The following LRRC1 variants were observed in gnomAD, a reference collection of about 807,000 sequenced individuals.
The protein encoded by LRRC1 is leucine-rich repeat-containing protein 1.
A neutral mutation model predicts 69.9 loss-of-function variants in LRRC1; 28 were observed. The observed-to-expected ratio is 0.40, with a 90% confidence interval of 0.30 to 0.55. The LOEUF (loss-of-function observed/expected upper bound fraction) is 0.55, where lower values mean the gene tolerates loss of function less well. Ranked by LOEUF, LRRC1 falls within the 20% of genes least tolerant of loss-of-function variation. LRRC1 has a pLI of 0.47. For missense variants in LRRC1, 498 were observed against 609.0 expected (o/e 0.82, Z 1.92); for synonymous variants, 236 against 240.2 (o/e 0.98, Z 0.16).
intron 2 of LRRC1, among the ~76,000 whole-genome samples, chr6:53,850,552 G>C (rs1185145010): frequency 6.6e-6 from 1 of 152,190 alleles, no homozygotes; most frequent in Non-Finnish European, 1.5e-5. Flanking sequence ...CTAAAACTCA[G>C]TGCATAATAA....
At chr6:53,885,769 A>C (rs1025883121) in intron 4 of LRRC1, among the ~76,000 whole-genome samples, 15 of 152,198 alleles carry the variant, frequency 9.9e-5, no homozygotes, top group Admixed American at 7.2e-4. Flanking sequence ...GCAGACTTGC[A>C]ATGCCTTGAA....
At chr6:53,807,747 TCAACAA>T (rs60487267) in intron 1 of LRRC1, among the ~76,000 whole-genome samples, 120,149 of 150,472 alleles carry the variant, frequency 0.8, 48,480 homozygotes, top group East Asian at 0.96. Flanking sequence ...CTCCGTGTCG[TCAACAA>T]CAACAACAAC....
rs1768715279 is a variant in LRRC1, at chr6:53,920,751, A to G, written c.1406A>G (p.Asp469Gly). Residue 469 changes from aspartate (D) to glycine (G), a missense_variant, in exon 13 of 14, where the codon GAC (aspartate) becomes GGC (glycine). Physicochemically the swap from Asp to Gly is moderately conservative, Grantham distance 94. Transcript: ENST00000370888. ...RFVEDEKDEE[D>G]NETRTLLRRA... ...GTGGAGGATGAGAAAGATGAAGAAG[A>G]CAATGAGACGGTATGGAAATGCAGA... 1 of 1,614,094 alleles carries G rather than the reference A, an allele frequency of 6.2e-7. No homozygotes were observed. Among genetic ancestry groups the G allele is most frequent in the African/African-American group, 1.3e-5 (1 of 74,942 alleles).
At chr6:53,838,585 T>G (rs554082837) in intron 1 of LRRC1, among the ~76,000 whole-genome samples, 12 of 152,344 alleles carry the variant, frequency 7.9e-5, no homozygotes, top group Admixed American at 7.2e-4. Context: ...TTTTCATGCT[T>G]GAGTAAACAC....
intron 2 of LRRC1, among the ~76,000 whole-genome samples, chr6:53,861,449 T>TAAAA (rs1203281460): frequency 1.3e-5 from 2 of 150,182 alleles, no homozygotes; most frequent in African/African-American, 4.9e-5. Context: ...GAGTGCTGGG[T>TAAAA]TAAAGTGTAA....
chr6:53,887,686 C>G (rs571778486), intron 4 of LRRC1, among the ~76,000 whole-genome samples: 3 of 152,132 alleles, frequency 2.0e-5, no homozygotes, highest in African/African-American at 4.8e-5. Flanking sequence ...GCATGCTTCT[C>G]ATAATGAACA....
intron 2 of LRRC1, among the ~76,000 whole-genome samples, chr6:53,864,224 C>G (rs1766621982): frequency 6.6e-6 from 1 of 152,130 alleles, no homozygotes; most frequent in South Asian, 2.1e-4. Context: ...CCTCTGCCTC[C>G]TGGGTCTCCA....
At chr6:53,871,962 C>A (rs1174795201) in intron 2 of LRRC1, among the ~76,000 whole-genome samples, 4 of 152,180 alleles carry the variant, frequency 2.6e-5, no homozygotes, top group African/African-American at 9.7e-5. Flanking sequence ...GCTACCGCCC[C>A]TGGCCTGTTT....
intron 1 of LRRC1, among the ~76,000 whole-genome samples, chr6:53,838,024 T>G (rs1765660950): frequency 6.6e-6 from 1 of 152,202 alleles, no homozygotes; most frequent in Non-Finnish European, 1.5e-5. Context: ...CACTGAGGCT[T>G]CCTGCCAAGA....
At chr6:53,849,714 T>C (rs755083372) in intron 2 of LRRC1, among the ~76,000 whole-genome samples, 1 of 152,198 alleles carries the variant, frequency 6.6e-6, no homozygotes, top group Non-Finnish European at 1.5e-5. Context: ...AGATTAAATA[T>C]AGAAATGGTA....
intron 1 of LRRC1, among the ~76,000 whole-genome samples, chr6:53,796,847 C>T (rs187221046): frequency 2.0e-5 from 3 of 152,230 alleles, no homozygotes; most frequent in Admixed American, 1.3e-4. Flanking sequence ...TGGCCTTTTA[C>T]GTCCTTGAAG....
At chr6:53,892,339 A>G (rs113218845) in intron 4 of LRRC1, among the ~76,000 whole-genome samples, 3 of 152,288 alleles carry the variant, frequency 2.0e-5, no homozygotes, top group Admixed American at 6.5e-5. Flanking sequence ...AAAGTGTTTA[A>G]TTTTTAAAAT....
intron 8 of LRRC1, among the ~76,000 whole-genome samples, chr6:53,900,580 T>C (rs915670515): frequency 6.6e-6 from 1 of 152,232 alleles, no homozygotes; most frequent in African/African-American, 2.4e-5. Flanking sequence ...GGCATCCTAA[T>C]AGTTCATGAG....
At chr6:53,880,883 A>G (rs781741439) in intron 3 of LRRC1, among the ~76,000 whole-genome samples, 5 of 152,162 alleles carry the variant, frequency 3.3e-5, no homozygotes, top group Non-Finnish European at 7.4e-5. Context: ...AAGGCAGCCT[A>G]CAGGGTTTGG....
chr6:53,820,733 A>G (rs73430255), intron 1 of LRRC1, among the ~76,000 whole-genome samples: 2,181 of 152,252 alleles, frequency 0.014, 62 homozygotes, highest in African/African-American at 0.05. Flanking sequence ...AATATATGTA[A>G]TAAGATATAG....
At chr6:53,813,686 ACT>A (rs913478697) in intron 1 of LRRC1, among the ~76,000 whole-genome samples, 2 of 151,490 alleles carry the variant, frequency 1.3e-5, no homozygotes, top group African/African-American at 4.9e-5. Flanking sequence ...GTTGGGTTTG[ACT>A]CTGCGGGCTG....
Position 53,900,039 on chromosome 6 carries a change from T to G in LRRC1, c.787+148T>G, listed in dbSNP as rs964194038. 108 of 698,954 alleles carry G rather than the reference T, an allele frequency of 1.5e-4. 3 individuals are homozygous for G. The highest frequency in any genetic ancestry group is 1.3e-3 in the East Asian group (42 of 31,272). The allele number at this position is 698,954 out of a possible 1,614,324, so 43.3% of individuals were successfully genotyped here. A position where few individuals can be genotyped will look rare whatever the true frequency, so the allele number is the denominator to read the frequency against. On this transcript the variant is annotated intron_variant, in intron 8 of 13. Coordinates refer to ENST00000370888, the MANE Select transcript of LRRC1 (RefSeq NM_018214.5). ...CTTACTGTTTTTTTTTTTTTTTTTT[T>G]TTTTTTTTTTTTTTCTGAGATGGAG... is the stretch of plus-strand genomic sequence containing the variant.
intron 2 of LRRC1, among the ~76,000 whole-genome samples, chr6:53,851,223 T>TAA (rs751147972): frequency 3.7e-4 from 55 of 150,378 alleles, no homozygotes; most frequent in Middle Eastern, 3.4e-3. Context: ...TATATATATA[T>TAA]AAATCATATA....
intron 1 of LRRC1, among the ~76,000 whole-genome samples, chr6:53,839,270 A>G (rs921590839): frequency 6.6e-6 from 1 of 152,082 alleles, no homozygotes; most frequent in African/African-American, 2.4e-5. Flanking sequence ...GTATTGCTCA[A>G]TTGCTTTCCA....
Sources: gnomAD v4.1 joint callset for allele counts (sites outside exome capture counted in the v4.1 genomes callset) on GRCh38, gnomAD v4.1.1 for gene constraint, MANE v1.5 for transcripts, NCBI Gene and HGNC (gene_info 2026-07-23, HGNC 2026-07-21) for gene names.